DENND5B: variants seen among roughly 807,000 people sequenced by gnomAD.
DENND5B encodes DENN domain containing 5B, also known as DENN domain-containing protein 5B.
DENND5B carries 34 observed loss-of-function variants against 140.6 expected under a neutral mutation model. That is an observed-to-expected ratio of 0.24 (90% CI 0.18 to 0.32). The LOEUF is 0.32. DENND5B is among the 10% of genes least tolerant of loss of function. The pLI is 1.00. For missense variants in DENND5B, 1,142 were observed against 1,560.2 expected (o/e 0.73, Z 4.52); for synonymous variants, 551 against 562.1 (o/e 0.98, Z 0.28).
At chr12:31,580,687 G>A (rs758799492) in intron 1 of DENND5B, among the ~76,000 whole-genome samples, 34 of 152,232 alleles carry the variant, frequency 2.2e-4, no homozygotes, top group Non-Finnish European at 4.1e-4. Context: ...TAGAGACAGA[G>A]TTCCGCCATG....
chr12:31,571,857 C>T (rs1364767340), intron 1 of DENND5B, among the ~76,000 whole-genome samples: 1 of 152,230 alleles, frequency 6.6e-6, no homozygotes, highest in Non-Finnish European at 1.5e-5. Flanking sequence ...GATCTGCCCG[C>T]TTTGACCTCT....
intron 1 of DENND5B, among the ~76,000 whole-genome samples, chr12:31,560,049 C>A (rs1949421147): frequency 6.6e-6 from 1 of 152,200 alleles, no homozygotes; most frequent in Non-Finnish European, 1.5e-5. Flanking sequence ...TCTCTATCCA[C>A]ATTCTCTCCC....
chr12:31,410,675 G>C (rs1942398922), intron 13 of DENND5B, among the ~76,000 whole-genome samples: 1 of 152,074 alleles, frequency 6.6e-6, no homozygotes, highest in Non-Finnish European at 1.5e-5. Context: ...AAAGTGCTGG[G>C]ATTACAGGAG....
chr12:31,442,576 T>C (rs1354066956), intron 7 of DENND5B, among the ~76,000 whole-genome samples, 199 bp downstream of exon 7: 1 of 152,034 alleles, frequency 6.6e-6, no homozygotes, highest in Non-Finnish European at 1.5e-5. Flanking sequence ...CTTTGTTTTT[T>C]TCTTTTTTTT....
At chr12:31,563,711 G>C (rs1193609568) in intron 1 of DENND5B, among the ~76,000 whole-genome samples, 1 of 152,114 alleles carries the variant, frequency 6.6e-6, no homozygotes, top group African/African-American at 2.4e-5. Flanking sequence ...CTTCCTAAAT[G>C]ATTTCAAGAG....
intron 3 of DENND5B, among the ~76,000 whole-genome samples, chr12:31,466,843 T>C (rs79227441): frequency 0.011 from 1,732 of 152,202 alleles, 19 homozygotes; most frequent in East Asian, 0.031. Flanking sequence ...GGAAACATAA[T>C]GAACCACAAG....
intron 1 of DENND5B, among the ~76,000 whole-genome samples, chr12:31,549,940 G>C (rs541241438): frequency 1.3e-5 from 2 of 152,000 alleles, no homozygotes; most frequent in Non-Finnish European, 1.5e-5. Context: ...ATGCATCTTT[G>C]TAACAGGATG....
intron 1 of DENND5B, among the ~76,000 whole-genome samples, chr12:31,563,864 C>T (rs1415089805): frequency 6.6e-6 from 1 of 152,152 alleles, no homozygotes; most frequent in Non-Finnish European, 1.5e-5. Context: ...TCCTTGTAAT[C>T]CCAGCACTTT....
intron 1 of DENND5B, among the ~76,000 whole-genome samples, chr12:31,547,459 C>A (rs926536811): frequency 1.3e-5 from 2 of 150,682 alleles, no homozygotes; most frequent in Non-Finnish European, 3.0e-5. Context: ...AGTGCAGTGG[C>A]ACAATCTTGG....
intron 2 of DENND5B, among the ~76,000 whole-genome samples, chr12:31,493,069 A>C (rs1226200671): frequency 6.6e-6 from 1 of 152,210 alleles, no homozygotes; most frequent in African/African-American, 2.4e-5. Context: ...TGTGATACAA[A>C]AATATCACAA....
At chr12:31,441,448 A>G (rs897202824) in intron 7 of DENND5B, among the ~76,000 whole-genome samples, 6 of 151,758 alleles carry the variant, frequency 4.0e-5, no homozygotes, top group Non-Finnish European at 5.9e-5. Flanking sequence ...TCGTACTCCT[A>G]AAGTGCTGGG....
At chr12:31,426,219 A>G in intron 9 of DENND5B, 74 bp downstream of exon 9, 1 of 1,485,540 alleles carries the variant, frequency 6.7e-7, no homozygotes, top group African/African-American at 1.4e-5. Flanking sequence ...ATGGGGGTTA[A>G]CTCAGTTCAT....
At chr12:31,453,547 G>C (rs1304300803) in intron 4 of DENND5B, among the ~76,000 whole-genome samples, 3 of 152,082 alleles carry the variant, frequency 2.0e-5, no homozygotes, top group African/African-American at 7.2e-5. Flanking sequence ...TTGGGGGGTG[G>C]AGTGCCAAAA....
chr12:31,442,503 C>T (rs534267077), intron 7 of DENND5B, among the ~76,000 whole-genome samples: 12 of 151,588 alleles, frequency 7.9e-5, no homozygotes, highest in African/African-American at 2.7e-4. Context: ...ATATTTAAAT[C>T]GCCATTTAAA....
chr12:31,549,699 C>A (rs942509422), intron 1 of DENND5B, among the ~76,000 whole-genome samples: 1 of 152,138 alleles, frequency 6.6e-6, no homozygotes, highest in South Asian at 2.1e-4. Flanking sequence ...CTCTCTTCCC[C>A]CATCCCAACC....
chr12:31,389,265 T>C (rs1941004465), intron 20 of DENND5B, 59 bp downstream of exon 20: 2 of 1,522,496 alleles, frequency 1.3e-6, no homozygotes, highest in South Asian at 2.5e-5. Context: ...GTATAACCTT[T>C]TCTGGACTCT....
chr12:31,469,693 G>C (rs1945453193), intron 3 of DENND5B, among the ~76,000 whole-genome samples: 1 of 152,170 alleles, frequency 6.6e-6, no homozygotes, highest in Non-Finnish European at 1.5e-5. Flanking sequence ...TGGAGGTGAG[G>C]TGTTTGGGTC....
At chr12:31,459,236 C>T (rs914372968) in intron 4 of DENND5B, among the ~76,000 whole-genome samples, 7 of 151,738 alleles carry the variant, frequency 4.6e-5, no homozygotes, top group Admixed American at 3.3e-4. Context: ...AAAAACAACA[C>T]CTAGGAGGTG....
intron 1 of DENND5B, among the ~76,000 whole-genome samples, chr12:31,531,192 CT>C (rs57219180): frequency 0.02 from 2,888 of 147,716 alleles, 38 homozygotes; most frequent in African/African-American, 0.042. Context: ...TTAGAACTAA[CT>C]TTTTTTTTTT....
Sources: gnomAD v4.1 joint callset for allele counts (sites outside exome capture counted in the v4.1 genomes callset) on GRCh38, gnomAD v4.1.1 for gene constraint, MANE v1.5 for transcripts, NCBI Gene and HGNC (gene_info 2026-07-23, HGNC 2026-07-21) for gene names.